The following PLEKHA1 variants were observed in gnomAD, a reference collection of about 807,000 sequenced individuals.
PLEKHA1 encodes pleckstrin homology domain containing A1, also known as pleckstrin homology domain-containing family A member 1.
A neutral mutation model predicts 52.0 loss-of-function variants in PLEKHA1; 34 were observed. That is an observed-to-expected ratio of 0.65 (90% CI 0.50 to 0.87). The LOEUF is 0.87. Ranked by LOEUF, PLEKHA1 falls within the 40% of genes least tolerant of loss-of-function variation. The pLI, the probability that PLEKHA1 is intolerant of heterozygous loss-of-function variation, is 0.00. For synonymous variants in PLEKHA1, 163 were observed against 170.7 expected, an observed-to-expected ratio of 0.95 and a Z score of 0.35; for missense variants, 497 against 504.2, an observed-to-expected ratio of 0.99 and a Z score of 0.14.
intron 5 of PLEKHA1, among the ~76,000 whole-genome samples, chr10:122,411,000 C>A (rs2097099218): frequency 6.6e-6 from 1 of 152,166 alleles, no homozygotes; most frequent in East Asian, 1.9e-4. Flanking sequence ...TGGTGCTATT[C>A]ATTAGAAAAT....
intron 4 of PLEKHA1, among the ~76,000 whole-genome samples, chr10:122,404,485 G>A (rs1403789271): frequency 6.6e-6 from 1 of 152,084 alleles, no homozygotes; most frequent in Non-Finnish European, 1.5e-5. Context: ...GATATTCTGG[G>A]CAGATGCCCA....
chr10:122,416,102 C>A, intron 7 of PLEKHA1, 100 bp downstream of exon 7: 1 of 1,302,814 alleles, frequency 7.7e-7, no homozygotes, highest in East Asian at 2.5e-5. Context: ...ATGAAAGACC[C>A]AAAGTGAGAG....
chr10:122,395,722 T>C (rs2096841360), intron 2 of PLEKHA1, among the ~76,000 whole-genome samples: 1 of 152,124 alleles, frequency 6.6e-6, no homozygotes. Context: ...GGAAGCCACT[T>C]CTTCCCCTGA....
intron 3 of PLEKHA1, among the ~76,000 whole-genome samples, chr10:122,399,545 T>C (rs1470262979): frequency 6.6e-6 from 1 of 151,974 alleles, no homozygotes. Context: ...AGATTAAGAT[T>C]AATTCAATTA....
In PLEKHA1 at chr10:122,430,150, A is replaced by G. The variant is rs929181037; in HGVS notation, c.*212A>G. On this transcript the variant is annotated 3_prime_UTR_variant, in exon 12 of 12. Coordinates refer to ENST00000368990, the MANE Select transcript of PLEKHA1 (RefSeq NM_001001974.4). ...AAAAGAAAGAAAAAGGAAAAATCCA[A>G]AATATCTCAGTATCATCTGTCTGAA... 41 of 525,772 alleles carry G rather than the reference A, an allele frequency of 7.8e-5. No individual in the cohort carries two copies. The highest frequency in any genetic ancestry group is 6.8e-4 in the African/African-American group (35 of 51,746). 32.6% of individuals were successfully genotyped at this position (525,772 alleles called of 1,614,324 possible). A position where few individuals can be genotyped will look rare whatever the true frequency, so the allele number is the denominator to read the frequency against.
At chr10:122,424,040 G>T in intron 8 of PLEKHA1, 159 bp from the exon 9 acceptor site, 1 of 947,678 alleles carries the variant, frequency 1.1e-6, no homozygotes, top group Non-Finnish European at 1.5e-6. Context: ...GAGCTATTCA[G>T]ATGCTGGATG....
chr10:122,425,048 C>A, intron 10 of PLEKHA1, 89 bp downstream of exon 10: 2 of 1,202,814 alleles, frequency 1.7e-6, no homozygotes, highest in Non-Finnish European at 2.3e-6. Flanking sequence ...GCTTGTTGCA[C>A]TTGAGGTTAA....
At chr10:122,415,668 G>C (rs911140099) in intron 6 of PLEKHA1, among the ~76,000 whole-genome samples, 191 bp from the exon 7 acceptor site, 2 of 152,090 alleles carry the variant, frequency 1.3e-5, no homozygotes, top group African/African-American at 2.4e-5. Flanking sequence ...CAAAACAAGA[G>C]GAATGGAAAT....
At chr10:122,391,447 G>A (rs530902741) in intron 1 of PLEKHA1, among the ~76,000 whole-genome samples, 3 of 152,054 alleles carry the variant, frequency 2.0e-5, no homozygotes, top group Non-Finnish European at 4.4e-5. Context: ...TTTATAAATG[G>A]TGTGAGGTAG....
intron 4 of PLEKHA1, among the ~76,000 whole-genome samples, chr10:122,404,821 G>T (rs1053223594): frequency 2.0e-5 from 3 of 152,310 alleles, no homozygotes; most frequent in East Asian, 1.9e-4. Context: ...ATTCAAGGAA[G>T]CTGTAGTTTA....
At chr10:122,408,687 A>C (rs1171923952) in intron 5 of PLEKHA1, among the ~76,000 whole-genome samples, 1 of 152,178 alleles carries the variant, frequency 6.6e-6, no homozygotes, top group Non-Finnish European at 1.5e-5. Context: ...CTATGCTTTA[A>C]TAAGATGCTT....
At chr10:122,379,870 GT>G (rs1353006770) in intron 1 of PLEKHA1, among the ~76,000 whole-genome samples, 14 of 152,116 alleles carry the variant, frequency 9.2e-5, no homozygotes, top group African/African-American at 2.9e-4. Flanking sequence ...CTGTTTCTGT[GT>G]TTTGCCTTAT....
intron 2 of PLEKHA1, among the ~76,000 whole-genome samples, chr10:122,396,825 T>C (rs910508329): frequency 3.9e-5 from 6 of 152,110 alleles, no homozygotes; most frequent in Non-Finnish European, 5.9e-5. Flanking sequence ...GAAATTTATA[T>C]TCTTGATTTG....
rs554695821 is a variant in PLEKHA1 at position 122,395,660 on chromosome 10, A to T, written c.142-2258A>T. Among the ~76,000 whole-genome samples, 46 of 152,200 alleles carry T rather than the reference A, an allele frequency of 3.0e-4. 1 individual carries two copies. In the South Asian group the frequency reaches 9.4e-3, roughly 31 times the overall value. ...AAAGTATAATAACATGGTTATACTG[A>T]TCATAATAACCTTGGTAAAGAAAGA... is the stretch of plus-strand genomic sequence containing the variant. On this transcript the variant is annotated intron_variant, in intron 2 of 11. Transcript: ENST00000368990.
At position 122,426,962 on chromosome 10, in the gene PLEKHA1, G is replaced by A; in HGVS notation, c.831G>A (p.Met277Ile). 1 of 1,614,036 alleles carries A rather than the reference G, an allele frequency of 6.2e-7. No individual in the cohort carries two copies. Among genetic ancestry groups the A allele is most frequent in the Non-Finnish European group, 8.5e-7 (1 of 1,179,908 alleles). The change falls in exon 11 of 12, where the codon ATG becomes ATA. Residue 277 changes from methionine to isoleucine, a missense_variant. By Grantham distance (10) the Met-to-Ile change is conservative (BLOSUM62 1). Coordinates refer to ENST00000368990, the MANE Select transcript of PLEKHA1 (RefSeq NM_001001974.4). ...FYVQADSPEE[M>I]HSWIKAVSGA... is the part of the protein sequence containing the mutation. ...TTTAGGCTGATAGCCCTGAAGAGAT[G>A]CACAGTTGGATTAAAGCAGTCTCTG...
chr10:122,376,571 C>T (rs1184816533), intron 1 of PLEKHA1, among the ~76,000 whole-genome samples: 3 of 150,902 alleles, frequency 2.0e-5, no homozygotes, highest in Non-Finnish European at 3.0e-5. Flanking sequence ...CGCGGGCGCG[C>T]GCAGAGCTTC....
chr10:122,426,814 TG>T, intron 10 of PLEKHA1, 127 bp from the exon 11 acceptor site: 2 of 789,058 alleles, frequency 2.5e-6, no homozygotes. Flanking sequence ...CTAAATTTTT[TG>T]GAAACAGTTG....
At chr10:122,382,528 T>C (rs1167691171) in intron 1 of PLEKHA1, among the ~76,000 whole-genome samples, 1 of 152,192 alleles carries the variant, frequency 6.6e-6, no homozygotes, top group East Asian at 1.9e-4. Context: ...TGGGGTGATA[T>C]TTTGAGACTA....
chr10:122,385,311 CTT>C (rs1196217497), intron 1 of PLEKHA1, among the ~76,000 whole-genome samples: 313 of 96,460 alleles, frequency 3.2e-3, no homozygotes, highest in African/African-American at 0.013. Context: ...TTGTGTCTGG[CTT>C]TTTTTTTTTT....
Sources: gnomAD v4.1 joint callset for allele counts (sites outside exome capture counted in the v4.1 genomes callset) on GRCh38, gnomAD v4.1.1 for gene constraint, MANE v1.5 for transcripts, NCBI Gene and HGNC (gene_info 2026-07-23, HGNC 2026-07-21) for gene names.